PALM2AKAP2: variants seen among roughly 807,000 people sequenced by gnomAD.
PALM2AKAP2 encodes PALM2-AKAP2 fusion protein.
Under a neutral mutation model 71.5 loss-of-function variants are expected in PALM2AKAP2, and 37 were observed. The observed-to-expected ratio is 0.52, with a 90% CI of 0.40 to 0.68. The LOEUF is 0.68. Among genes scored for constraint, PALM2AKAP2 ranks in the 30% least tolerant of loss-of-function variants. The pLI, the probability that PALM2AKAP2 is intolerant of heterozygous loss-of-function variation, is 0.00. For synonymous variants in PALM2AKAP2, 468 were observed against 478.8 expected (o/e 0.98, Z 0.29); for missense variants, 1,224 against 1,191.8 (o/e 1.03, Z -0.40).
At chr9:110,150,285 C>T (rs1490527494) in intron 2 of PALM2AKAP2, among the ~76,000 whole-genome samples, 2 of 152,188 alleles carry the variant, frequency 1.3e-5, no homozygotes, top group African/African-American at 4.8e-5. Context: ...TCAAACCATC[C>T]AGTCTATGGT....
At chr9:109,788,829 T>C (rs1005887591) in intron 1 of PALM2AKAP2, among the ~76,000 whole-genome samples, 1 of 152,172 alleles carries the variant, frequency 6.6e-6, no homozygotes, top group Non-Finnish European at 1.5e-5. Context: ...TCCCAGCTAC[T>C]TGGGAGGCTG....
chr9:110,038,505 A>T (rs1430856861), intron 7 of PALM2AKAP2, among the ~76,000 whole-genome samples: 1 of 152,132 alleles, frequency 6.6e-6, no homozygotes, highest in African/African-American at 2.4e-5. Context: ...TGGAGAAATG[A>T]CCACTGGGTT....
At chr9:109,942,204 A>G (rs74821053) in intron 6 of PALM2AKAP2, among the ~76,000 whole-genome samples, 2,498 of 152,350 alleles carry the variant, frequency 0.016, 64 homozygotes, top group African/African-American at 0.057. Flanking sequence ...GAGGATAGCC[A>G]TGACCCACCT....
intron 1 of PALM2AKAP2, among the ~76,000 whole-genome samples, chr9:109,689,200 CT>C (rs200092612): frequency 0.074 from 9,827 of 133,256 alleles, 376 homozygotes; most frequent in South Asian, 0.16. Context: ...TTTTTCTTTT[CT>C]TTTTTTTTTT....
At chr9:109,738,393 T>TA (rs1408298810) in intron 1 of PALM2AKAP2, among the ~76,000 whole-genome samples, 1 of 152,192 alleles carries the variant, frequency 6.6e-6, no homozygotes, top group African/African-American at 2.4e-5. Context: ...GAAAAGAGAA[T>TA]AAAACTGTCT....
intron 1 of PALM2AKAP2, among the ~76,000 whole-genome samples, chr9:110,108,837 TAA>T (rs869165997): frequency 2.0e-5 from 3 of 151,956 alleles, no homozygotes; most frequent in Non-Finnish European, 2.9e-5. Flanking sequence ...CCCCTGCATT[TAA>T]AAAAAAATTT....
chr9:109,716,742 A>G (rs1828326917), intron 1 of PALM2AKAP2, among the ~76,000 whole-genome samples: 2 of 152,194 alleles, frequency 1.3e-5, no homozygotes, highest in South Asian at 2.1e-4. Flanking sequence ...AGAAGCAATT[A>G]CAGGAAGGTG....
intron 1 of PALM2AKAP2, among the ~76,000 whole-genome samples, chr9:110,135,172 A>ATATATATATATATATATATAT (rs58573716): frequency 1.1e-4 from 7 of 61,090 alleles, no homozygotes; most frequent in African/African-American, 4.3e-4. Context: ...AAAATATATA[A>ATATATATATATATATATATAT]ATATATATAT....
chr9:109,722,087 G>A lies in PALM2AKAP2; in HGVS notation c.6-58401G>A, dbSNP rs146704539. Among the ~76,000 whole-genome samples, 1,210 of 152,216 alleles carry A rather than the reference G, an allele frequency of 7.9e-3. 6 individuals are homozygous for A. The highest frequency in any genetic ancestry group is 0.016 in the South Asian group (78 of 4,820). ...TAACCTATTTGAAAAATTATTTATT[G>A]TAGCATTATATGTAATAGCAAAATA... On this transcript the variant is annotated intron_variant, in intron 1 of 6. Coordinates refer to the PALM2AKAP2 transcript ENST00000374531.
chr9:110,085,960 AC>A (rs1224712706), intron 1 of PALM2AKAP2, among the ~76,000 whole-genome samples: 1 of 151,996 alleles, frequency 6.6e-6, no homozygotes, highest in African/African-American at 2.4e-5. Context: ...TACAAAAATT[AC>A]CTGGGCATGG....
At chr9:109,874,218 A>C (rs1430350837) in intron 2 of PALM2AKAP2, among the ~76,000 whole-genome samples, 1 of 152,170 alleles carries the variant, frequency 6.6e-6, no homozygotes, top group African/African-American at 2.4e-5. Context: ...CAAGTGGGGG[A>C]GAGAGAGCAT....
At chr9:110,119,451 G>GTA (rs1459057623) in intron 1 of PALM2AKAP2, among the ~76,000 whole-genome samples, 1 of 151,978 alleles carries the variant, frequency 6.6e-6, no homozygotes, top group Non-Finnish European at 1.5e-5. Context: ...AGATCCTTGT[G>GTA]TATAGATCAT....
chr9:109,857,103 G>A (rs576440544), intron 1 of PALM2AKAP2, among the ~76,000 whole-genome samples: 1 of 152,212 alleles, frequency 6.6e-6, no homozygotes, highest in African/African-American at 2.4e-5. Context: ...GGCCTGGCAC[G>A]TCTTCCTAAG....
chr9:109,958,206 T>C lies in PALM2AKAP2; in HGVS notation c.496+26178T>C, dbSNP rs115897768. On this transcript the variant is annotated intron_variant, in intron 6 of 9. Coordinates refer to the PALM2AKAP2 transcript ENST00000302798. ...AAATTAGGCCAAGAGAAAAATAAGA[T>C]GAAATTAGAAAACTCCATCTAGCTT... Among the ~76,000 whole-genome samples, 575 of 151,924 alleles carry C rather than the reference T, an allele frequency of 3.8e-3. 1 individual carries two copies. The highest frequency in any genetic ancestry group is 0.013 in the African/African-American group (537 of 41,426).
chr9:109,692,697 G>T (rs979534228), intron 1 of PALM2AKAP2, among the ~76,000 whole-genome samples: 8 of 151,688 alleles, frequency 5.3e-5, no homozygotes, highest in Admixed American at 3.3e-4. Context: ...ATTACTATAT[G>T]GTTTTCCTTT....
chr9:109,749,937 G>A lies in PALM2AKAP2; in HGVS notation c.6-30551G>A, dbSNP rs28683006. On this transcript the variant is annotated intron_variant, in intron 1 of 6. Transcript: ENST00000374531. ...GGCTTCAATTTCTGGCTGTCTTTTG[G>A]CATTTAGAACCTAAACAGCTCTGGG... Among the ~76,000 whole-genome samples the A allele has an allele frequency of 1.7e-3, 260 of 152,250 alleles. 5 individuals are homozygous for A. In the East Asian group the frequency reaches 0.041, roughly 24 times the overall value.
exon 2 of PALM2AKAP2, chr9:110,138,304 G>T: frequency 1.2e-6 from 2 of 1,614,252 alleles, no homozygotes; most frequent in Non-Finnish European, 1.7e-6. Flanking sequence ...AGGCAGCTGA[G>T]CTGAGAAGCA....
intron 1 of PALM2AKAP2, among the ~76,000 whole-genome samples, chr9:109,788,930 C>T (rs1827036261): frequency 6.6e-6 from 1 of 152,230 alleles, no homozygotes. Context: ...GAGTGACACC[C>T]TGTGTAACTG....
At chr9:109,658,078 G>T (rs1342359300) in intron 1 of PALM2AKAP2, among the ~76,000 whole-genome samples, 1 of 152,070 alleles carries the variant, frequency 6.6e-6, no homozygotes, top group African/African-American at 2.4e-5. Context: ...CTCAAATAGG[G>T]AACCCTTGTT....
Sources: allele counts gnomAD v4.1 joint callset (sites outside exome capture counted in the v4.1 genomes callset), GRCh38; gene constraint gnomAD v4.1.1; transcripts MANE v1.5; gene names NCBI Gene and HGNC (gene_info 2026-07-23, HGNC 2026-07-21).